MAGI2: variants seen among roughly 807,000 people sequenced by gnomAD.
The protein encoded by MAGI2 is membrane-associated guanylate kinase, WW and PDZ domain-containing protein 2.
MAGI2 carries 35 observed loss-of-function variants against 133.3 expected under a neutral mutation model. That is an observed-to-expected ratio of 0.26 (90% confidence interval 0.20 to 0.35). MAGI2 has a LOEUF of 0.35. Ranked by LOEUF, MAGI2 falls within the 10% of genes least tolerant of loss-of-function variation. The pLI is 1.00. For synonymous variants in MAGI2, 729 were observed against 710.6 expected, an observed-to-expected ratio of 1.03 and a Z score of -0.41; for missense variants, 1,636 against 1,863.4, an observed-to-expected ratio of 0.88 and a Z score of 2.25.
intron 14 of MAGI2, among the ~76,000 whole-genome samples, chr7:78,171,386 G>A (rs1563212521): frequency 6.6e-6 from 1 of 152,068 alleles, no homozygotes; most frequent in Non-Finnish European, 1.5e-5. Context: ...GGAATCACCG[G>A]GTGAGCTTAT....
At chr7:79,417,592 A>G (rs1205281660) in intron 1 of MAGI2, among the ~76,000 whole-genome samples, 1 of 152,110 alleles carries the variant, frequency 6.6e-6, no homozygotes, top group Non-Finnish European at 1.5e-5. Context: ...AGACTGAACT[A>G]ATTCAGATTA....
chr7:79,451,998 T>A (rs925321639), intron 1 of MAGI2, among the ~76,000 whole-genome samples: 7 of 152,024 alleles, frequency 4.6e-5, no homozygotes, highest in African/African-American at 1.7e-4. Context: ...AGACAGGGAG[T>A]TCTGGATGAT....
chr7:78,455,984 T>C (rs2302642), intron 6 of MAGI2, among the ~76,000 whole-genome samples: 44,989 of 151,086 alleles, frequency 0.3, 8,510 homozygotes, highest in African/African-American at 0.55. Flanking sequence ...CACTCGATAT[T>C]TTCTTTACAG....
rs1335692474 is a variant in MAGI2 at position 78,804,287 on chromosome 7, A to C, written c.419-177048T>G. Among the ~76,000 whole-genome samples, 3 of 152,266 alleles carry C rather than the reference A, an allele frequency of 2.0e-5. No individual in the cohort carries two copies. The East Asian group carries it at 5.8e-4, about 29-fold the overall frequency. Reference sequence around the variant, plus strand: ...AAGTGGGGACAAGCTACCGTCTTGCAATATAGAAACACATTAACGGTGTCA... The same window carrying C: ...AAGTGGGGACAAGCTACCGTCTTGCCATATAGAAACACATTAACGGTGTCA... On this transcript the variant is annotated intron_variant, in intron 2 of 21. Coordinates refer to ENST00000354212, the MANE Select transcript of MAGI2 (RefSeq NM_012301.4).
Position 79,176,202 on chromosome 7 carries a change from T to C in MAGI2, c.302-168996A>G, listed in dbSNP as rs193100193. ...CATGATGCCCACTCGAATATACCTT[T>C]AAGGAAGGACCTGCTGCCTCGTCAG... is the stretch of plus-strand genomic sequence containing the variant. On this transcript the variant is annotated intron_variant, in intron 1 of 21. Transcript: ENST00000354212. Among the ~76,000 whole-genome samples the C allele has an allele frequency of 1.2e-3, 190 of 152,074 alleles. 2 individuals are homozygous for C. The highest frequency in any genetic ancestry group is 3.4e-3 in the Admixed American group (52 of 15,258).
At chr7:78,426,655 A>C (rs1284899053) in intron 6 of MAGI2, among the ~76,000 whole-genome samples, 1 of 152,176 alleles carries the variant, frequency 6.6e-6, no homozygotes, top group Non-Finnish European at 1.5e-5. Flanking sequence ...GAGCTTCAAT[A>C]ATCTGTGAGA....
In MAGI2 at chr7:78,113,458, A is replaced by G. The variant is rs567996961; in HGVS notation, c.3567+12236T>C. ...ACCACATAATGATGTTTTGATCAACAGTGGACTGCATATGTGATGGTAGTC... is the reference window on the plus strand; with the variant it reads ...ACCACATAATGATGTTTTGATCAACGGTGGACTGCATATGTGATGGTAGTC... On this transcript the variant is annotated intron_variant, in intron 20 of 21. Transcript: ENST00000354212. Among the ~76,000 whole-genome samples, 121 of 152,296 alleles carry G rather than the reference A, an allele frequency of 7.9e-4. 1 individual carries two copies. Among genetic ancestry groups the G allele is most frequent in the African/African-American group, 2.4e-3 (99 of 41,560 alleles).
At chr7:79,428,499 A>T (rs1208904912) in intron 1 of MAGI2, among the ~76,000 whole-genome samples, 1 of 152,180 alleles carries the variant, frequency 6.6e-6, no homozygotes, top group African/African-American at 2.4e-5. Flanking sequence ...ATTTTGTAGG[A>T]TCAAATGCTT....
intron 21 of MAGI2, chr7:78,065,477 A>G: frequency 1.7e-6 from 1 of 576,532 alleles, no homozygotes; most frequent in Non-Finnish European, 3.0e-6. Flanking sequence ...TAATTAGACA[A>G]GCTACTATGA....
intron 2 of MAGI2, among the ~76,000 whole-genome samples, chr7:78,924,428 C>T (rs1231774591): frequency 6.6e-6 from 1 of 152,014 alleles, no homozygotes; most frequent in Non-Finnish European, 1.5e-5. Flanking sequence ...TTGTCAAAGG[C>T]CTTTTCTGCA....
intron 21 of MAGI2, among the ~76,000 whole-genome samples, chr7:78,048,768 A>G (rs546711570): frequency 1.3e-5 from 2 of 152,322 alleles, no homozygotes; most frequent in African/African-American, 2.4e-5. Flanking sequence ...GTTTTAAGAC[A>G]TTCTGGGAGA....
intron 1 of MAGI2, among the ~76,000 whole-genome samples, chr7:79,332,366 C>T (rs904951015): frequency 2.6e-5 from 4 of 152,162 alleles, no homozygotes; most frequent in South Asian, 2.1e-4. Flanking sequence ...AAACTATTTC[C>T]TTTATCCCTG....
chr7:79,344,850 T>A (rs1563136564), intron 1 of MAGI2, among the ~76,000 whole-genome samples: 1 of 151,904 alleles, frequency 6.6e-6, no homozygotes, highest in Admixed American at 6.6e-5. Context: ...AGGGTAAGAG[T>A]TGATATTAGG....
At chr7:78,643,419 G>T (rs1459162395) in intron 2 of MAGI2, among the ~76,000 whole-genome samples, 1 of 152,086 alleles carries the variant, frequency 6.6e-6, no homozygotes, top group African/African-American at 2.4e-5. Flanking sequence ...ATTAGGTAAG[G>T]CTCTAGTTTG....
chr7:79,388,500 G>A (rs569271938), intron 1 of MAGI2, among the ~76,000 whole-genome samples: 110 of 151,982 alleles, frequency 7.2e-4, no homozygotes, highest in Middle Eastern at 3.4e-3. Flanking sequence ...GTCAGTTGAG[G>A]CTTACATGGA....
At chr7:79,323,133 G>T (rs910652552) in intron 1 of MAGI2, among the ~76,000 whole-genome samples, 4 of 152,054 alleles carry the variant, frequency 2.6e-5, no homozygotes, top group African/African-American at 9.7e-5. Context: ...CCTGGCCCCA[G>T]TTAGCTTTTA....
At chr7:78,539,351 C>T (rs1006366583) in intron 3 of MAGI2, among the ~76,000 whole-genome samples, 2 of 151,706 alleles carry the variant, frequency 1.3e-5, no homozygotes, top group East Asian at 1.9e-4. Context: ...TCCTTTCATC[C>T]CTGGGATGAA....
At chr7:78,167,575 C>T (rs1410125228) in intron 15 of MAGI2, among the ~76,000 whole-genome samples, 1 of 152,184 alleles carries the variant, frequency 6.6e-6, no homozygotes, top group South Asian at 2.1e-4. Context: ...GGTTTGCAAA[C>T]ACATTTTCAA....
intron 10 of MAGI2, among the ~76,000 whole-genome samples, chr7:78,204,358 G>T (rs982903060): frequency 6.6e-6 from 1 of 152,048 alleles, no homozygotes; most frequent in Non-Finnish European, 1.5e-5. Context: ...GCTAGGCTTG[G>T]TTCTCCTGAA....
Sources: gnomAD v4.1 joint callset for allele counts (sites outside exome capture counted in the v4.1 genomes callset) on GRCh38, gnomAD v4.1.1 for gene constraint, MANE v1.5 for transcripts, NCBI Gene and HGNC (gene_info 2026-07-23, HGNC 2026-07-21) for gene names.